Variants in C1orf21 observed in about 807,000 individuals in gnomAD.
The protein encoded by C1orf21 is chromosome 1 open reading frame 21.
A neutral mutation model predicts 18.7 loss-of-function variants in C1orf21; 3 were observed. The observed-to-expected ratio is 0.16, with a 90% CI of 0.07 to 0.42. The LOEUF (loss-of-function observed/expected upper bound fraction) is 0.42. Ranked by LOEUF, C1orf21 falls within the 10% of genes least tolerant of loss-of-function variation. C1orf21 has a pLI of 0.99. For synonymous variants in C1orf21, 41 were observed against 46.4 expected, an observed-to-expected ratio of 0.88 and a Z score of 0.47; for missense variants, 104 against 143.6, an observed-to-expected ratio of 0.72 and a Z score of 1.41.
At chr1:184,608,671 C>T (rs772082071) in intron 5 of C1orf21, among the ~76,000 whole-genome samples, 5 of 152,206 alleles carry the variant, frequency 3.3e-5, no homozygotes, top group Admixed American at 6.5e-5. Context: ...CAGCCTGTCA[C>T]GTGTCCTCTG....
intron 1 of C1orf21, among the ~76,000 whole-genome samples, chr1:184,472,193 A>C (rs1460242605): frequency 6.6e-6 from 1 of 152,124 alleles, no homozygotes; most frequent in Non-Finnish European, 1.5e-5. Flanking sequence ...TTTCTTCAAT[A>C]AAAGAGAGGA....
chr1:184,460,904 C>T (rs1445937853), intron 1 of C1orf21, among the ~76,000 whole-genome samples: 1 of 151,958 alleles, frequency 6.6e-6, no homozygotes, highest in East Asian at 1.9e-4. Flanking sequence ...ACAGCAAATG[C>T]TCTGAATTCT....
At chr1:184,399,336 A>G (rs186518770) in intron 1 of C1orf21, among the ~76,000 whole-genome samples, 1 of 149,638 alleles carries the variant, frequency 6.7e-6, no homozygotes, top group East Asian at 2.0e-4. Flanking sequence ...AGCACATCAC[A>G]GGAAGTGTTA....
At chr1:184,436,570 G>GAA (rs565695695) in intron 1 of C1orf21, among the ~76,000 whole-genome samples, 2 of 151,042 alleles carry the variant, frequency 1.3e-5, no homozygotes, top group African/African-American at 4.9e-5. Flanking sequence ...CCCTAAAGGA[G>GAA]AAAAAAAAAT....
intron 3 of C1orf21, among the ~76,000 whole-genome samples, chr1:184,539,589 A>G (rs1658614783): frequency 6.6e-6 from 1 of 152,356 alleles, no homozygotes; most frequent in Middle Eastern, 3.4e-3. Context: ...AATGTTTGGT[A>G]GAACTCACCA....
In C1orf21 at chr1:184,534,170, A is replaced by C. The variant is rs7518367; in HGVS notation, c.189+26488A>C. 9.6e-3 allele frequency among the ~76,000 whole-genome samples: 1,468 copies of C among 152,322 alleles called. 17 individuals are homozygous for C. The highest frequency in any genetic ancestry group is 0.033 in the African/African-American group (1,377 of 41,570). On this transcript the variant is annotated intron_variant, in intron 3 of 5. Transcript: ENST00000235307. ...TGCATAGTTTATAGAGTGCTTTTACAGTCACTAGCTCATTGGAGCCTCACA... is the reference window on the plus strand; with the variant it reads ...TGCATAGTTTATAGAGTGCTTTTACCGTCACTAGCTCATTGGAGCCTCACA...
At chr1:184,441,460 G>T (rs1656944193) in intron 1 of C1orf21, among the ~76,000 whole-genome samples, 1 of 152,148 alleles carries the variant, frequency 6.6e-6, no homozygotes, top group Non-Finnish European at 1.5e-5. Flanking sequence ...TAGTTTGTTA[G>T]TCCTTGTATT....
At chr1:184,437,088 G>A (rs1036901753) in intron 1 of C1orf21, among the ~76,000 whole-genome samples, 3 of 152,100 alleles carry the variant, frequency 2.0e-5, no homozygotes, top group Non-Finnish European at 4.4e-5. Flanking sequence ...CCTGTGGGAT[G>A]GGGTGAAGAA....
At chr1:184,503,801 T>G (rs2101962066) in intron 2 of C1orf21, among the ~76,000 whole-genome samples, 1 of 152,312 alleles carries the variant, frequency 6.6e-6, no homozygotes, top group South Asian at 2.1e-4. Context: ...GAGGTTACCT[T>G]TGTATTTAAT....
chr1:184,416,187 T>C (rs1472239276), intron 1 of C1orf21, among the ~76,000 whole-genome samples: 1 of 152,222 alleles, frequency 6.6e-6, no homozygotes, highest in Non-Finnish European at 1.5e-5. Flanking sequence ...TAAATGTTTT[T>C]TTTGGATGAG....
intron 3 of C1orf21, among the ~76,000 whole-genome samples, chr1:184,549,805 A>G (rs1658787503): frequency 6.6e-6 from 1 of 152,104 alleles, no homozygotes; most frequent in African/African-American, 2.4e-5. Context: ...ATTTTTATGT[A>G]TACAAATAAT....
rs536686195 is a variant in C1orf21 at position 184,410,172 on chromosome 1, A to C, written c.-125+22804A>C. Among the ~76,000 whole-genome samples the C allele has an allele frequency of 2.0e-5, 3 of 152,326 alleles. No individual in the cohort carries two copies. The East Asian group carries it at 5.8e-4, about 29-fold the overall frequency. On this transcript the variant is annotated intron_variant, in intron 1 of 5. Coordinates refer to ENST00000235307, the MANE Select transcript of C1orf21 (RefSeq NM_030806.4). ...TAAAAGATCTGTGAATAGCTTGTGCATCTAGGAATAATAGCTTTGGAAGCA... is the reference window on the plus strand; with the variant it reads ...TAAAAGATCTGTGAATAGCTTGTGCCTCTAGGAATAATAGCTTTGGAAGCA...
rs540866099 is a variant in C1orf21 at position 184,597,861 on chromosome 1, G to C, written c.267-540G>C. Among the ~76,000 whole-genome samples the C allele has an allele frequency of 1.2e-4, 18 of 152,256 alleles. No homozygotes were observed. In the East Asian group the frequency reaches 3.5e-3, roughly 30 times the overall value. ...TTCCAGTGGAATTGTGTTTTCAGAG[G>C]TGTATCTGCTGCCACCAGTGCAGAA... On this transcript the variant is annotated intron_variant, in intron 4 of 5. Coordinates refer to ENST00000235307, the MANE Select transcript of C1orf21 (RefSeq NM_030806.4).
chr1:184,416,751 A>C (rs573418088), intron 1 of C1orf21, among the ~76,000 whole-genome samples: 1 of 152,328 alleles, frequency 6.6e-6, no homozygotes, highest in East Asian at 1.9e-4. Context: ...AATGATAATC[A>C]TCCCTGACCT....
chr1:184,549,167 T>G (rs1431568436), intron 3 of C1orf21, among the ~76,000 whole-genome samples: 1 of 152,180 alleles, frequency 6.6e-6, no homozygotes, highest in Non-Finnish European at 1.5e-5. Flanking sequence ...CTCAGTCTCC[T>G]AGCCGTGGAA....
chr1:184,534,818 C>T (rs535665788), intron 3 of C1orf21, among the ~76,000 whole-genome samples: 10 of 152,026 alleles, frequency 6.6e-5, no homozygotes, highest in South Asian at 2.1e-4. Context: ...GTCACTTTTA[C>T]GTGGGAGTAG....
chr1:184,500,895 C>T (rs963398445), intron 2 of C1orf21, among the ~76,000 whole-genome samples: 1 of 152,112 alleles, frequency 6.6e-6, no homozygotes, highest in African/African-American at 2.4e-5. Flanking sequence ...AAGCCTCATA[C>T]CCCCAGCCCC....
chr1:184,516,435 T>C (rs1008208307), intron 3 of C1orf21, among the ~76,000 whole-genome samples: 3 of 152,326 alleles, frequency 2.0e-5, no homozygotes, highest in Middle Eastern at 6.8e-3. Flanking sequence ...TAAATTTCCA[T>C]TACATGTCAG....
At chr1:184,431,820 A>G (rs1656770503) in intron 1 of C1orf21, among the ~76,000 whole-genome samples, 1 of 152,290 alleles carries the variant, frequency 6.6e-6, no homozygotes, top group African/African-American at 2.4e-5. Flanking sequence ...ACTCAAACAA[A>G]TTTACTAGAA....
Sources: gnomAD v4.1 joint callset for allele counts (sites outside exome capture counted in the v4.1 genomes callset) on GRCh38, gnomAD v4.1.1 for gene constraint, MANE v1.5 for transcripts, NCBI Gene and HGNC (gene_info 2026-07-23, HGNC 2026-07-21) for gene names.